Variants in CATSPERD observed in about 807,000 individuals in gnomAD.
CATSPERD encodes the protein cation channel sperm-associated auxiliary subunit delta.
Under a neutral mutation model 98.1 loss-of-function variants are expected in CATSPERD, and 86 were observed. The ratio of observed to expected loss-of-function variants is 0.88; its 90% CI spans 0.74 to 1.05. The LOEUF (loss-of-function observed/expected upper bound fraction) is 1.05, where lower values mean the gene tolerates loss of function less well. CATSPERD is among the 50% of genes least tolerant of loss of function. The pLI is 0.00. For synonymous variants in CATSPERD, 394 were observed against 390.2 expected (o/e 1.01, Z -0.12); for missense variants, 995 against 1,005.7 (o/e 0.99, Z 0.14).
At chr19:5,738,601 A>G (rs943514899) in intron 6 of CATSPERD, among the ~76,000 whole-genome samples, 6 of 152,096 alleles carry the variant, frequency 3.9e-5, no homozygotes, top group Non-Finnish European at 8.8e-5. Flanking sequence ...CTCACTAATA[A>G]CATAAACAGT....
intron 17 of CATSPERD, among the ~76,000 whole-genome samples, chr19:5,766,459 GAAAA>G (rs71979608): frequency 7.0e-6 from 1 of 142,520 alleles, no homozygotes. Context: ...CTCTCGTCTT[GAAAA>G]AAAAAAAAAA....
chr19:5,729,622 TC>T (rs1259815920), intron 3 of CATSPERD, among the ~76,000 whole-genome samples: 2 of 152,220 alleles, frequency 1.3e-5, no homozygotes, highest in Non-Finnish European at 2.9e-5. Context: ...CTGAAGTCCA[TC>T]CTGCCACTCA....
intron 11 of CATSPERD, among the ~76,000 whole-genome samples, 170 bp downstream of exon 11, chr19:5,749,353 C>G (rs2056160085): frequency 6.6e-6 from 1 of 152,044 alleles, no homozygotes; most frequent in African/African-American, 2.4e-5. Context: ...TTAGCCGAGC[C>G]TGGTGGTGGG....
chr19:5,752,764 A>G (rs2056245297), intron 12 of CATSPERD, among the ~76,000 whole-genome samples: 1 of 152,060 alleles, frequency 6.6e-6, no homozygotes, highest in Non-Finnish European at 1.5e-5. Flanking sequence ...GTGGTGGCTC[A>G]TTCCTGTAAT....
In CATSPERD at chr19:5,748,110, T is replaced by C. The variant is rs748686542; in HGVS notation, c.809-50T>C. 4 of 1,495,802 alleles carry C rather than the reference T, an allele frequency of 2.7e-6. No homozygotes were observed. In the Admixed American group the frequency reaches 6.7e-5, roughly 25 times the overall value. The allele number at this position is 1,495,802 out of a possible 1,614,324, so 92.7% of individuals were successfully genotyped here. On this transcript the variant is annotated intron_variant, in intron 9 of 21. Transcript: ENST00000381624. Reference sequence around the variant, plus strand: ...TGTGGTCCCAGTAGTAGACATCCCCTTTCCCAGGATGTACACGGGGCCTCA... The same window carrying C: ...TGTGGTCCCAGTAGTAGACATCCCCCTTCCCAGGATGTACACGGGGCCTCA...
intron 20 of CATSPERD, among the ~76,000 whole-genome samples, chr19:5,775,835 G>A (rs138935258): frequency 0.014 from 2,168 of 152,190 alleles, 61 homozygotes; most frequent in African/African-American, 0.05. Flanking sequence ...GGCGGCAGAC[G>A]CAGTTTGTCA....
chr19:5,750,258 C>A (rs978388249), intron 11 of CATSPERD, among the ~76,000 whole-genome samples: 6 of 148,112 alleles, frequency 4.1e-5, no homozygotes, highest in Non-Finnish European at 9.0e-5. Context: ...ACCATCCTGG[C>A]TAACACGGTG....
chr19:5,769,813 G>A (rs796290911), intron 18 of CATSPERD, among the ~76,000 whole-genome samples: 24 of 152,272 alleles, frequency 1.6e-4, no homozygotes, highest in African/African-American at 5.8e-4. Context: ...TTTTGGCCGG[G>A]CAGGGTGGCT....
At chr19:5,732,594 G>A (rs981515413) in intron 4 of CATSPERD, among the ~76,000 whole-genome samples, 5 of 151,492 alleles carry the variant, frequency 3.3e-5, no homozygotes, top group African/African-American at 4.9e-5. Flanking sequence ...CACCACGCCC[G>A]GCTAATTTTT....
intron 8 of CATSPERD, 89 bp from the exon 9 acceptor site, chr19:5,745,824 G>A: frequency 7.2e-7 from 1 of 1,379,648 alleles, no homozygotes; most frequent in East Asian, 2.4e-5. Flanking sequence ...CCCTGCACCT[G>A]CTAGCCAGAC....
In CATSPERD at chr19:5,768,888, G is replaced by A. The variant is rs1021527235; in HGVS notation, c.1634+646G>A. Among the ~76,000 whole-genome samples the A allele has an allele frequency of 3.9e-5, 6 of 152,034 alleles. No individual in the cohort carries two copies. The East Asian group carries it at 7.7e-4, about 20-fold the overall frequency. ...TGATTTATAAAGAAGAGTTATGGCC[G>A]GGCCCGGTGGCTCACGCCTGTAATC... On this transcript the variant is annotated intron_variant, in intron 18 of 21. Coordinates refer to ENST00000381624, the MANE Select transcript of CATSPERD (RefSeq NM_152784.4).
At chr19:5,771,581 T>C (rs1313427190) in intron 19 of CATSPERD, among the ~76,000 whole-genome samples, 1 of 150,588 alleles carries the variant, frequency 6.6e-6, no homozygotes, top group Non-Finnish European at 1.5e-5. Context: ...TGTCTTCCTG[T>C]TCTTTTTTTT....
chr19:5,742,826 G>A (rs778267236), intron 7 of CATSPERD, among the ~76,000 whole-genome samples: 3 of 152,090 alleles, frequency 2.0e-5, no homozygotes, highest in Non-Finnish European at 2.9e-5. Flanking sequence ...TGGAGTGATG[G>A]AGCAGGATCT....
At chr19:5,724,357 C>G (rs1035717605) in intron 1 of CATSPERD, among the ~76,000 whole-genome samples, 1 of 152,018 alleles carries the variant, frequency 6.6e-6, no homozygotes, top group Non-Finnish European at 1.5e-5. Flanking sequence ...GCCACCACGC[C>G]CAGCCTCATC....
Position 5,768,041 on chromosome 19 carries a change from G to A in CATSPERD, c.1560-127G>A, listed in dbSNP as rs201184787. 1.0e-4 allele frequency: 65 copies of A among 633,608 alleles called. No individual in the cohort carries two copies. In the Middle Eastern group the frequency reaches 3.6e-3, roughly 35 times the overall value. The allele number at this position is 633,608 out of a possible 1,614,324, so 39.2% of individuals were successfully genotyped here. On this transcript the variant is annotated intron_variant, in intron 17 of 21. Coordinates refer to ENST00000381624, the MANE Select transcript of CATSPERD (RefSeq NM_152784.4). ...TCCAACTCCTGACCTCAGGTGATCC[G>A]CCCGCCTCAGCTCCCAAAGTGCTGG...
chr19:5,744,526 G>A lies in CATSPERD; in HGVS notation c.657+16G>A. 1.3e-6 allele frequency: 2 copies of A among 1,595,702 alleles called. No homozygotes were observed. The highest frequency in any genetic ancestry group is 1.7e-6 in the Non-Finnish European group (2 of 1,165,336). ...TCAAGGGAAGGTAAGTAACTGCAGA[G>A]GGAAGAACTACTCAGAGGACCTTTG... On this transcript the variant is annotated intron_variant, in intron 8 of 21. Coordinates refer to ENST00000381624, the MANE Select transcript of CATSPERD (RefSeq NM_152784.4).
At position 5,743,683 on chromosome 19, in the gene CATSPERD, CCT is replaced by C. The variant is rs146743330; in HGVS notation, c.574-721_574-720del. On this transcript the variant is annotated intron_variant, in intron 7 of 21. Coordinates refer to ENST00000381624, the MANE Select transcript of CATSPERD (RefSeq NM_152784.4). ...CTCTCTCTTCCTCTCTCTCTCTCTTCCTCTCTCTCTCTCTCTCTCTCTCTGTC... is the reference window on the plus strand; with the variant it reads ...CTCTCTCTTCCTCTCTCTCTCTCTTCCTCTCTCTCTCTCTCTCTCTCTGTC... Among the ~76,000 whole-genome samples, 1,245 of 143,594 alleles carry C rather than the reference CCT, an allele frequency of 8.7e-3. 3 individuals carry two copies. The highest frequency in any genetic ancestry group is 0.013 in the Non-Finnish European group (878 of 65,838). 94.2% of individuals were successfully genotyped at this position (143,594 alleles called of 152,430 possible). A position where few individuals can be genotyped will look rare whatever the true frequency, so the allele number is the denominator to read the frequency against.
rs148693305 is a variant in CATSPERD, at chr19:5,765,466, G to A, written c.1507-637G>A. On this transcript the variant is annotated intron_variant, in intron 16 of 21. Coordinates refer to ENST00000381624, the MANE Select transcript of CATSPERD (RefSeq NM_152784.4). ...CATTCATTCATTCATACATGCATGCGTGCATTTTTTTCCCCATGCTCTCTG... is the reference window on the plus strand; with the variant it reads ...CATTCATTCATTCATACATGCATGCATGCATTTTTTTCCCCATGCTCTCTG... 3.3e-3 allele frequency among the ~76,000 whole-genome samples: 503 copies of A among 151,278 alleles called. 5 individuals carry two copies. Among genetic ancestry groups the A allele is most frequent in the African/African-American group, 0.011 (472 of 41,166 alleles).
intron 2 of CATSPERD, among the ~76,000 whole-genome samples, chr19:5,725,668 G>A (rs1162119895): frequency 3.9e-5 from 6 of 151,990 alleles, no homozygotes; most frequent in African/African-American, 7.2e-5. Flanking sequence ...TTGGGAGGCC[G>A]AGGCGGGCGG....
Sources: allele counts gnomAD v4.1 joint callset (sites outside exome capture counted in the v4.1 genomes callset), GRCh38; gene constraint gnomAD v4.1.1; transcripts MANE v1.5; gene names NCBI Gene and HGNC (gene_info 2026-07-23, HGNC 2026-07-21).